Variants in DGKB observed in about 807,000 individuals in gnomAD.
DGKB encodes the protein 90 kDa diacylglycerol kinase.
In DGKB, 67 loss-of-function variants were observed where a neutral mutation model predicts 114.3. That is an observed-to-expected ratio of 0.59 (90% CI 0.48 to 0.72). The LOEUF (loss-of-function observed/expected upper bound fraction) is 0.72. DGKB is among the 30% of genes least tolerant of loss of function. The probability of loss-of-function intolerance (pLI) is 0.00; values close to 1 mark genes in which losing one functional copy is unlikely to be tolerated. For synonymous variants in DGKB, 398 were observed against 323.1 expected (o/e 1.23, Z -2.49); for missense variants, 907 against 975.2 (o/e 0.93, Z 0.93).
chr7:14,184,629 A>G (rs913002008), intron 23 of DGKB, among the ~76,000 whole-genome samples: 1 of 151,698 alleles, frequency 6.6e-6, no homozygotes, highest in African/African-American at 2.4e-5. Context: ...AGCAAGACCC[A>G]CCCAAGGAGA....
Position 14,614,853 on chromosome 7 carries a change from C to T in DGKB, c.1285-1440G>A, listed in dbSNP as rs1481226309. On this transcript the variant is annotated intron_variant, in intron 15 of 25. Transcript: ENST00000402815. ...TCTTCCTAATTTGTCTCCAATTCAG[C>T]TGGGAGAAGGATGAGCAGGAAAAAC... is the stretch of plus-strand genomic sequence containing the variant. Among the ~76,000 whole-genome samples the T allele has an allele frequency of 2.0e-5, 3 of 152,152 alleles. No homozygotes were observed. In the East Asian group the frequency reaches 5.8e-4, roughly 29 times the overall value.
At chr7:14,475,799 G>C (rs1782079098) in intron 21 of DGKB, among the ~76,000 whole-genome samples, 1 of 152,058 alleles carries the variant, frequency 6.6e-6, no homozygotes, top group Non-Finnish European at 1.5e-5. Flanking sequence ...ATACTGAGCA[G>C]TGAGGAATGT....
Position 14,890,314 on chromosome 7 carries a change from A to G in DGKB, c.-188+12278T>C, listed in dbSNP as rs1159577444. Among the ~76,000 whole-genome samples the G allele has an allele frequency of 4.6e-5, 7 of 151,574 alleles. 1 individual carries two copies. The South Asian group carries it at 1.4e-3, about 31-fold the overall frequency. The stretch of plus-strand genomic sequence containing the variant: ...TTTATGATTTCTGAAGCTAAATAGC[A>G]TGATTTTTGATAGATGAGAAATGTA... On this transcript the variant is annotated intron_variant, in intron 1 of 25. Coordinates refer to ENST00000402815, the MANE Select transcript of DGKB (RefSeq NM_001350709.2).
At chr7:14,952,984 G>A (rs936261687) in intron 1 of DGKB, among the ~76,000 whole-genome samples, 2 of 151,892 alleles carry the variant, frequency 1.3e-5, no homozygotes, top group Non-Finnish European at 2.9e-5. Flanking sequence ...TTCAACAAAT[G>A]GTGTTTTAGC....
chr7:14,605,388 ATGTGTG>A (rs111647761), intron 17 of DGKB, among the ~76,000 whole-genome samples: 233 of 147,098 alleles, frequency 1.6e-3, no homozygotes, highest in African/African-American at 5.8e-3. Flanking sequence ...ACACCTATAT[ATGTGTG>A]TGTGTGTGTG....
chr7:14,336,560 T>G (rs1362589523), intron 23 of DGKB, among the ~76,000 whole-genome samples: 6 of 152,146 alleles, frequency 3.9e-5, no homozygotes, highest in Non-Finnish European at 7.4e-5. Flanking sequence ...ACTTCCTCAT[T>G]TCCCAGAATT....
At chr7:14,513,133 T>C (rs942175692) in intron 20 of DGKB, among the ~76,000 whole-genome samples, 2 of 152,022 alleles carry the variant, frequency 1.3e-5, no homozygotes, top group Non-Finnish European at 2.9e-5. Flanking sequence ...GAAAATGACA[T>C]CCATTATAAA....
At chr7:14,647,784 C>T (rs562821855) in intron 13 of DGKB, among the ~76,000 whole-genome samples, 6 of 152,148 alleles carry the variant, frequency 3.9e-5, no homozygotes, top group Non-Finnish European at 8.8e-5. Flanking sequence ...TCAGTGGTCG[C>T]GCGCACCATG....
chr7:14,192,382 A>G (rs564437594), intron 23 of DGKB, among the ~76,000 whole-genome samples: 1 of 152,286 alleles, frequency 6.6e-6, no homozygotes, highest in South Asian at 2.1e-4. Context: ...AAAACTAGAT[A>G]CCTAGGAATA....
rs552213885 is a variant in DGKB at position 14,610,779 on chromosome 7, T to TA, written c.1358+2560dup. 9.9e-5 allele frequency among the ~76,000 whole-genome samples: 15 copies of TA among 151,832 alleles called. No individual in the cohort carries two copies. In the East Asian group the frequency reaches 2.1e-3, roughly 22 times the overall value. On this transcript the variant is annotated intron_variant, in intron 16 of 25. Transcript: ENST00000402815. ...CTGACGTTGTCCTTGGCAACAAACT[T>TA]AAAAAAAATGCCTATCAAACCTGGC... is the stretch of plus-strand genomic sequence containing the variant.
intron 21 of DGKB, among the ~76,000 whole-genome samples, chr7:14,449,023 C>T (rs1269934094): frequency 6.6e-6 from 1 of 152,020 alleles, no homozygotes; most frequent in Non-Finnish European, 1.5e-5. Context: ...ATACAAGTGT[C>T]CTTAGGAACT....
intron 25 of DGKB, among the ~76,000 whole-genome samples, chr7:14,153,252 A>G (rs1782491094): frequency 6.6e-6 from 1 of 152,050 alleles, no homozygotes; most frequent in Admixed American, 6.6e-5. Flanking sequence ...TATTATGAAA[A>G]GTAGCATTTC....
chr7:14,836,233 C>T (rs1181622445), intron 2 of DGKB, among the ~76,000 whole-genome samples: 4 of 152,212 alleles, frequency 2.6e-5, no homozygotes, highest in Non-Finnish European at 4.4e-5. Context: ...CAGGTCCAAA[C>T]ATTATGCACA....
chr7:14,169,032 A>G (rs955396005), intron 25 of DGKB, among the ~76,000 whole-genome samples: 1 of 152,170 alleles, frequency 6.6e-6, no homozygotes, highest in Admixed American at 6.6e-5. Context: ...TGTGTATGAA[A>G]TTAATAAACC....
intron 24 of DGKB, among the ~76,000 whole-genome samples, chr7:14,177,388 G>A (rs1301464233): frequency 6.6e-6 from 1 of 151,466 alleles, no homozygotes; most frequent in African/African-American, 2.4e-5. Flanking sequence ...AACCCCATCT[G>A]TACTAAAAAT....
At chr7:14,772,504 C>G (rs542181987) in intron 2 of DGKB, among the ~76,000 whole-genome samples, 22 of 152,158 alleles carry the variant, frequency 1.4e-4, no homozygotes, top group Admixed American at 3.3e-4. Context: ...AATACACTTA[C>G]AGAAAAGAAT....
At chr7:14,503,544 A>G (rs1002728620) in intron 20 of DGKB, among the ~76,000 whole-genome samples, 11 of 152,174 alleles carry the variant, frequency 7.2e-5, no homozygotes, top group African/African-American at 2.7e-4. Flanking sequence ...GCAATAATAG[A>G]TTCTTATCTT....
At chr7:14,651,162 T>C (rs1427937387) in intron 13 of DGKB, among the ~76,000 whole-genome samples, 11 of 152,140 alleles carry the variant, frequency 7.2e-5, no homozygotes, top group South Asian at 2.1e-4. Context: ...CCAGCATCAT[T>C]CTGATACCAA....
At chr7:14,533,424 A>G (rs1791916847) in intron 20 of DGKB, among the ~76,000 whole-genome samples, 1 of 151,986 alleles carries the variant, frequency 6.6e-6, no homozygotes, top group East Asian at 1.9e-4. Flanking sequence ...GTGAAACAAT[A>G]TATGCATTAT....
Sources: allele counts gnomAD v4.1 joint callset (sites outside exome capture counted in the v4.1 genomes callset), GRCh38; gene constraint gnomAD v4.1.1; transcripts MANE v1.5; gene names NCBI Gene and HGNC (gene_info 2026-07-23, HGNC 2026-07-21).